Variants in ARK2C observed in about 807,000 individuals in gnomAD.
ARK2C encodes arkadia (RNF111) C-terminal like ring finger ubiquitin ligase 2C.
the ARK2C span, among the ~76,000 whole-genome samples, chr18:46,344,205 G>A: frequency 2.0e-5 from 3 of 152,202 alleles, no homozygotes; most frequent in African/African-American, 7.2e-5. Flanking sequence ...CAGGTGGAGA[G>A]GGGGTGGAGG....
At chr18:46,350,473 C>T in the ARK2C span, among the ~76,000 whole-genome samples, 5 of 152,138 alleles carry the variant, frequency 3.3e-5, no homozygotes, top group Non-Finnish European at 7.3e-5. Context: ...GAAGGGAGCG[C>T]TGAGGTATGG....
the ARK2C span, among the ~76,000 whole-genome samples, chr18:46,429,119 C>T: frequency 3.3e-5 from 5 of 152,158 alleles, no homozygotes; most frequent in Non-Finnish European, 7.3e-5. Flanking sequence ...TCACCAAAGC[C>T]AGAATCTATA....
chr18:46,396,969 C>T, the ARK2C span, among the ~76,000 whole-genome samples: 12 of 152,358 alleles, frequency 7.9e-5, no homozygotes, highest in South Asian at 6.2e-4. Context: ...CAAGCCCAAT[C>T]GCTCTGGAAG....
the ARK2C span, among the ~76,000 whole-genome samples, chr18:46,351,606 A>G: frequency 3.9e-5 from 6 of 152,150 alleles, no homozygotes; most frequent in Admixed American, 3.3e-4. Context: ...ATATCCGCTC[A>G]TGAGGGGCAC....
chr18:46,419,841 C>A, the ARK2C span, among the ~76,000 whole-genome samples: 4 of 152,156 alleles, frequency 2.6e-5, no homozygotes, highest in African/African-American at 9.7e-5. Context: ...CTCCCTCCCC[C>A]CTTCCTCTTT....
the ARK2C span, among the ~76,000 whole-genome samples, chr18:46,446,766 G>C: frequency 6.7e-6 from 1 of 148,768 alleles, no homozygotes; most frequent in African/African-American, 2.5e-5. Flanking sequence ...CAATTTTCTA[G>C]CATCATTTCA....
At chr18:46,455,729 G>A in the ARK2C span, among the ~76,000 whole-genome samples, 8 of 152,104 alleles carry the variant, frequency 5.3e-5, no homozygotes, top group African/African-American at 1.9e-4. Context: ...CCAGCTACTC[G>A]GAGGCTGAGG....
the ARK2C span, chr18:46,456,117 TTATAGG>T: frequency 7.9e-7 from 1 of 1,271,604 alleles, no homozygotes; most frequent in African/African-American, 1.5e-5. Context: ...CTCCCCTCTC[TTATAGG>T]TATTGGTGAC....
At chr18:46,380,997 A>C in the ARK2C span, among the ~76,000 whole-genome samples, 13 of 152,156 alleles carry the variant, frequency 8.5e-5, no homozygotes, top group Non-Finnish European at 1.3e-4. Context: ...TTGACTCCAG[A>C]GTAGGAACGC....
At chr18:46,361,548 C>T in the ARK2C span, among the ~76,000 whole-genome samples, 2 of 152,210 alleles carry the variant, frequency 1.3e-5, no homozygotes, top group Non-Finnish European at 2.9e-5. Flanking sequence ...TCCACAGTTT[C>T]TTTTGGATGC....
the ARK2C span, among the ~76,000 whole-genome samples, chr18:46,383,449 G>A: frequency 6.6e-6 from 1 of 151,456 alleles, no homozygotes; most frequent in Non-Finnish European, 1.5e-5. Context: ...TGCTAAATTA[G>A]ACACAAGACT....
chr18:46,456,426 G>C, the ARK2C span: 13 of 885,578 alleles, frequency 1.5e-5, no homozygotes, highest in African/African-American at 1.7e-4. Context: ...TCCATAGCCG[G>C]GCAGTTCCCC....
the ARK2C span, among the ~76,000 whole-genome samples, chr18:46,365,316 G>A: frequency 2.0e-5 from 3 of 152,154 alleles, no homozygotes; most frequent in Admixed American, 6.5e-5. Flanking sequence ...TCAGGGTTAC[G>A]CAGGGTCGAG....
the ARK2C span, among the ~76,000 whole-genome samples, chr18:46,399,967 G>T: frequency 2.0e-5 from 3 of 152,184 alleles, no homozygotes; most frequent in South Asian, 6.2e-4. Flanking sequence ...CAGGGCAAGT[G>T]GCTCAGGTTT....
chr18:46,432,877 G>A, the ARK2C span, among the ~76,000 whole-genome samples: 1 of 152,166 alleles, frequency 6.6e-6, no homozygotes. Context: ...TCCGGGAGGC[G>A]GAGCTTGCAG....
chr18:46,405,562 G>A, the ARK2C span, among the ~76,000 whole-genome samples: 15 of 152,240 alleles, frequency 9.9e-5, no homozygotes, highest in African/African-American at 3.4e-4. Flanking sequence ...GAGAGAGGGC[G>A]AAGGAGACAG....
chr18:46,411,500 A>G, the ARK2C span, among the ~76,000 whole-genome samples: 6 of 152,134 alleles, frequency 3.9e-5, no homozygotes, highest in Non-Finnish European at 8.8e-5. Context: ...TTTGCTATCG[A>G]TTGATTCATT....
the ARK2C span, among the ~76,000 whole-genome samples, chr18:46,407,733 T>C: frequency 6.6e-6 from 1 of 152,220 alleles, no homozygotes; most frequent in Non-Finnish European, 1.5e-5. Context: ...GAGCTGGTGC[T>C]GGGCTCAATG....
chr18:46,387,644 A>C, the ARK2C span, among the ~76,000 whole-genome samples: 9 of 152,326 alleles, frequency 5.9e-5, no homozygotes, highest in South Asian at 1.7e-3. Flanking sequence ...GGGCATACAG[A>C]CCCGTGGAGG....
Sources: allele counts gnomAD v4.1 joint callset (sites outside exome capture counted in the v4.1 genomes callset), GRCh38; gene constraint gnomAD v4.1.1; transcripts MANE v1.5; gene names NCBI Gene and HGNC (gene_info 2026-07-23, HGNC 2026-07-21).